FMNL2: variants seen among roughly 807,000 people sequenced by gnomAD.
The protein encoded by FMNL2 is formin like 2.
A neutral mutation model predicts 130.2 loss-of-function variants in FMNL2; 51 were observed. That is an observed-to-expected ratio of 0.39 (90% CI 0.31 to 0.49). The LOEUF is 0.49. Ranked by LOEUF, FMNL2 falls within the 20% of genes least tolerant of loss-of-function variation. The pLI, the probability that FMNL2 is intolerant of heterozygous loss-of-function variation, is 0.85. For synonymous variants in FMNL2, 465 were observed against 467.1 expected (o/e 1.00, Z 0.06); for missense variants, 977 against 1,316.2 (o/e 0.74, Z 3.99).
At chr2:152,459,587 G>A (rs867082200) in intron 1 of FMNL2, among the ~76,000 whole-genome samples, 5 of 152,054 alleles carry the variant, frequency 3.3e-5, no homozygotes, top group Non-Finnish European at 4.4e-5. Context: ...CTTTATAGAC[G>A]TTGAAAGGGA....
rs1205977177 is a variant in FMNL2, at chr2:152,571,345, G to A, written c.597-3791G>A. On this transcript the variant is annotated intron_variant, in intron 6 of 25. Transcript: ENST00000288670. ...GGGATCATGCAAGATGTATTACATG[G>A]GACAGGACTAAATAAAGCTCATGTG... is the stretch of plus-strand genomic sequence containing the variant. Among the ~76,000 whole-genome samples the A allele has an allele frequency of 2.6e-5, 4 of 152,202 alleles. No individual in the cohort carries two copies. The East Asian group carries it at 7.7e-4, about 29-fold the overall frequency.
At chr2:152,430,002 T>C (rs909168029) in intron 1 of FMNL2, among the ~76,000 whole-genome samples, 1 of 152,238 alleles carries the variant, frequency 6.6e-6, no homozygotes, top group Non-Finnish European at 1.5e-5. Context: ...ATACGTCGTT[T>C]ACTTACGTAA....
At chr2:152,493,842 A>G (rs1691352083) in intron 1 of FMNL2, among the ~76,000 whole-genome samples, 1 of 152,214 alleles carries the variant, frequency 6.6e-6, no homozygotes, top group South Asian at 2.1e-4. Context: ...GTATCCCTTT[A>G]TAGCAACACA....
intron 1 of FMNL2, among the ~76,000 whole-genome samples, chr2:152,460,190 A>T (rs1042350735): frequency 1.3e-5 from 2 of 152,202 alleles, no homozygotes; most frequent in Non-Finnish European, 2.9e-5. Context: ...TGGTCTGATG[A>T]TACCTGATTG....
intron 1 of FMNL2, among the ~76,000 whole-genome samples, chr2:152,477,518 C>T (rs1434519157): frequency 6.6e-6 from 1 of 152,142 alleles, no homozygotes; most frequent in East Asian, 1.9e-4. Flanking sequence ...GCTCTGATTG[C>T]TGTAGATCCT....
intron 1 of FMNL2, among the ~76,000 whole-genome samples, chr2:152,447,101 CT>C (rs113492784): frequency 2.4e-3 from 350 of 143,500 alleles, no homozygotes; most frequent in Middle Eastern, 7.1e-3. Flanking sequence ...AATAAACTCA[CT>C]TTTTTTTTTT....
chr2:152,633,764 A>G (rs1682350886), intron 21 of FMNL2, among the ~76,000 whole-genome samples: 1 of 152,216 alleles, frequency 6.6e-6, no homozygotes, highest in African/African-American at 2.4e-5. Flanking sequence ...AAGCTATTAT[A>G]ATTTCTACCT....
At chr2:152,524,538 AT>A (rs1177381277) in intron 2 of FMNL2, among the ~76,000 whole-genome samples, 4 of 152,124 alleles carry the variant, frequency 2.6e-5, no homozygotes, top group Non-Finnish European at 2.9e-5. Flanking sequence ...GACATTATTA[AT>A]TTAAGGACTC....
chr2:152,607,852 A>T (rs1403003077), intron 10 of FMNL2, among the ~76,000 whole-genome samples: 2 of 152,102 alleles, frequency 1.3e-5, no homozygotes, highest in East Asian at 3.8e-4. Flanking sequence ...AGTTGACTGT[A>T]TGTATCTCCA....
In FMNL2 at chr2:152,626,610, T is replaced by C; in HGVS notation, c.2048T>C (p.Ile683Thr). The change falls in exon 17 of 26, where the codon ATA becomes ACA. Residue 683 changes from isoleucine to threonine, a missense_variant. Around this residue, in one of 4 missense-constraint regions of FMNL2, gnomAD observed 689 missense variants for 995.9 expected, o/e 0.69. Transcript: ENST00000288670. ...AIDLSSSKQK[I>T]PQKGSNKVTL... is the part of the protein sequence containing the mutation. ...GATCTTTCTTCAAGCAAACAGAAGA[T>C]ACCACAGAAGGGATCAAACAAAGTG... 2 of 1,612,976 alleles carry C rather than the reference T, an allele frequency of 1.2e-6. No homozygotes were observed. Among genetic ancestry groups the C allele is most frequent in the East Asian group, 2.2e-5 (1 of 44,842 alleles).
chr2:152,575,749 C>T (rs1409397859), intron 7 of FMNL2, among the ~76,000 whole-genome samples: 1 of 152,178 alleles, frequency 6.6e-6, no homozygotes, highest in African/African-American at 2.4e-5. Context: ...AACTCTAGAA[C>T]ACCAGGAATG....
chr2:152,352,264 T>G (rs1299742982), intron 1 of FMNL2, among the ~76,000 whole-genome samples: 1 of 152,202 alleles, frequency 6.6e-6, no homozygotes, highest in African/African-American at 2.4e-5. Flanking sequence ...ATAGGTCACT[T>G]GTGTATTTCT....
Position 152,585,734 on chromosome 2 carries a change from G to A in FMNL2, c.876+4685G>A, listed in dbSNP as rs79876110. ...ATAAAACTCTTATCTACTGGTTAAG[G>A]ACCTCAACCAGTCCCCACTTCAGAT... is the stretch of plus-strand genomic sequence containing the variant. On this transcript the variant is annotated intron_variant, in intron 9 of 25. Coordinates refer to ENST00000288670, the MANE Select transcript of FMNL2 (RefSeq NM_052905.4). Among the ~76,000 whole-genome samples, 1,291 of 152,166 alleles carry A rather than the reference G, an allele frequency of 8.5e-3. 9 individuals are homozygous for A. The highest frequency in any genetic ancestry group is 0.013 in the Non-Finnish European group (913 of 68,012).
At chr2:152,646,076 C>T (rs1320367692) in intron 25 of FMNL2, among the ~76,000 whole-genome samples, 2 of 151,508 alleles carry the variant, frequency 1.3e-5, no homozygotes, top group South Asian at 2.1e-4. Context: ...ATCTGTAATC[C>T]CAGCACTCTG....
intron 8 of FMNL2, 47 bp from the exon 9 acceptor site, chr2:152,580,909 C>G (rs1238361800): frequency 6.5e-7 from 1 of 1,544,778 alleles, no homozygotes; most frequent in African/African-American, 1.4e-5. Context: ...GCTGACTCAT[C>G]ATGCCATTTT....
At chr2:152,455,680 G>A (rs546531318) in intron 1 of FMNL2, among the ~76,000 whole-genome samples, 5 of 152,294 alleles carry the variant, frequency 3.3e-5, no homozygotes, top group Admixed American at 6.5e-5. Context: ...TACCATAATT[G>A]TAGTGATATG....
At chr2:152,491,177 A>T (rs921703019) in intron 1 of FMNL2, among the ~76,000 whole-genome samples, 1 of 152,218 alleles carries the variant, frequency 6.6e-6, no homozygotes, top group Non-Finnish European at 1.5e-5. Flanking sequence ...GCCAGTAAAA[A>T]TGAACATCTG....
intron 6 of FMNL2, among the ~76,000 whole-genome samples, chr2:152,568,671 G>A (rs1000510789): frequency 2.0e-5 from 3 of 152,168 alleles, no homozygotes; most frequent in Non-Finnish European, 4.4e-5. Context: ...AAACAAACAT[G>A]TCCTTCATCA....
intron 6 of FMNL2, among the ~76,000 whole-genome samples, chr2:152,565,416 A>C (rs144639304): frequency 4.3e-4 from 65 of 152,260 alleles, no homozygotes; most frequent in African/African-American, 1.4e-3. Flanking sequence ...AGGGAATGAG[A>C]GAAGAACCTG....
Sources: gnomAD v4.1 joint callset for allele counts (sites outside exome capture counted in the v4.1 genomes callset) on GRCh38, gnomAD v4.1.1 for gene constraint, gnomAD v4.1.1 regional missense constraint, MANE v1.5 for transcripts, NCBI Gene and HGNC (gene_info 2026-07-23, HGNC 2026-07-21) for gene names.